Variants in IGF2BP3 observed in about 807,000 individuals in gnomAD.
IGF2BP3 encodes the protein insulin-like growth factor 2 mRNA-binding protein 3.
IGF2BP3 carries 9 observed loss-of-function variants against 73.8 expected under a neutral mutation model. The observed-to-expected ratio is 0.12, with a 90% CI of 0.07 to 0.21. The LOEUF (loss-of-function observed/expected upper bound fraction) is 0.21. Among genes scored for constraint, IGF2BP3 ranks in the 10% least tolerant of loss-of-function variants. The probability of loss-of-function intolerance (pLI) is 1.00; values close to 1 mark genes in which losing one functional copy is unlikely to be tolerated. For missense variants in IGF2BP3, 542 were observed against 714.0 expected (o/e 0.76, Z 2.75); for synonymous variants, 258 against 256.7 (o/e 1.01, Z -0.05).
intron 7 of IGF2BP3, 67 bp downstream of exon 7, chr7:23,347,533 T>A: frequency 6.5e-7 from 1 of 1,538,600 alleles, no homozygotes; most frequent in Non-Finnish European, 8.9e-7. Flanking sequence ...AAGAATTGTG[T>A]CAGAGATGTC....
At chr7:23,434,068 ACT>A (rs1175692204) in intron 2 of IGF2BP3, among the ~76,000 whole-genome samples, 1 of 148,850 alleles carries the variant, frequency 6.7e-6, no homozygotes, top group Non-Finnish European at 1.5e-5. Context: ...ACAGAGTGAG[ACT>A]CTGTCTGGAA....
intron 3 of IGF2BP3, among the ~76,000 whole-genome samples, chr7:23,373,039 A>C (rs902535880): frequency 5.9e-5 from 9 of 152,162 alleles, no homozygotes; most frequent in African/African-American, 1.9e-4. Context: ...AATTTAAATA[A>C]AATATAAATA....
chr7:23,369,636 A>G (rs1785486438), intron 3 of IGF2BP3, among the ~76,000 whole-genome samples: 1 of 152,024 alleles, frequency 6.6e-6, no homozygotes, highest in Non-Finnish European at 1.5e-5. Flanking sequence ...TACACTCACT[A>G]AACTATCACC....
chr7:23,428,716 CTTTTT>C (rs1284212975), intron 2 of IGF2BP3, among the ~76,000 whole-genome samples: 2 of 129,736 alleles, frequency 1.5e-5, no homozygotes, highest in African/African-American at 6.0e-5. Context: ...TTCTTTTTTT[CTTTTT>C]TTTAGGGGGA....
intron 2 of IGF2BP3, among the ~76,000 whole-genome samples, chr7:23,442,020 G>A (rs550860930): frequency 2.6e-5 from 4 of 152,216 alleles, no homozygotes; most frequent in Admixed American, 6.5e-5. Flanking sequence ...CCACCTACTC[G>A]GGAGGCTGAG....
intron 2 of IGF2BP3, among the ~76,000 whole-genome samples, chr7:23,431,891 G>A (rs1787690425): frequency 6.6e-6 from 1 of 152,140 alleles, no homozygotes; most frequent in South Asian, 2.1e-4. Flanking sequence ...AGTTAACAGG[G>A]CGAGTCTCAA....
chr7:23,447,121 A>G (rs1393891557), intron 2 of IGF2BP3, among the ~76,000 whole-genome samples: 1 of 150,872 alleles, frequency 6.6e-6, no homozygotes, highest in African/African-American at 2.4e-5. Context: ...GAATCACTTG[A>G]ACCCGGGAGG....
chr7:23,383,760 C>T (rs539478457), intron 3 of IGF2BP3, among the ~76,000 whole-genome samples: 5 of 152,108 alleles, frequency 3.3e-5, no homozygotes, highest in South Asian at 2.1e-4. Context: ...GGATAAACAA[C>T]GTGGTATATT....
At chr7:23,466,509 T>C (rs1788570519) in intron 2 of IGF2BP3, among the ~76,000 whole-genome samples, 2 of 152,184 alleles carry the variant, frequency 1.3e-5, no homozygotes, top group Non-Finnish European at 2.9e-5. Context: ...ACTTGAAAAA[T>C]GAACTTGAAA....
At chr7:23,320,476 T>C (rs949652523) in intron 10 of IGF2BP3, among the ~76,000 whole-genome samples, 3 of 152,098 alleles carry the variant, frequency 2.0e-5, no homozygotes, top group Non-Finnish European at 2.9e-5. Flanking sequence ...CTAACAGTTC[T>C]AAAGTACAGA....
At chr7:23,434,558 C>T (rs1258472807) in intron 2 of IGF2BP3, among the ~76,000 whole-genome samples, 1 of 152,162 alleles carries the variant, frequency 6.6e-6, no homozygotes, top group Non-Finnish European at 1.5e-5. Flanking sequence ...TCTGAGAACT[C>T]CAATGTATCA....
At position 23,410,338 on chromosome 7, in the gene IGF2BP3, T is replaced by C. The variant is rs367884649; in HGVS notation, c.285+8438A>G. Among the ~76,000 whole-genome samples the C allele has an allele frequency of 1.3e-4, 20 of 152,090 alleles. No homozygotes were observed. In the East Asian group the frequency reaches 3.3e-3, roughly 25 times the overall value. On this transcript the variant is annotated intron_variant, in intron 3 of 14. Coordinates refer to ENST00000258729, the MANE Select transcript of IGF2BP3 (RefSeq NM_006547.3). ...TGCCACTGCACTCCAGCCTGGGCGA[T>C]AGGAGTCAAGATTCTGTCTCAATCA...
chr7:23,360,955 C>T (rs143511573), intron 5 of IGF2BP3, among the ~76,000 whole-genome samples: 1,553 of 152,232 alleles, frequency 0.01, 31 homozygotes, highest in African/African-American at 0.035. Flanking sequence ...AGATCTTTTC[C>T]AGCCTATAGA....
At chr7:23,366,294 C>T (rs1174670370) in intron 3 of IGF2BP3, among the ~76,000 whole-genome samples, 2 of 152,024 alleles carry the variant, frequency 1.3e-5, no homozygotes, top group African/African-American at 4.8e-5. Context: ...CACACCACTA[C>T]ACCCAGCTAA....
intron 7 of IGF2BP3, among the ~76,000 whole-genome samples, chr7:23,347,269 A>G (rs2128503397): frequency 6.6e-6 from 1 of 152,168 alleles, no homozygotes; most frequent in Admixed American, 6.5e-5. Context: ...AGCTCCAATG[A>G]GCTCCGAGTA....
chr7:23,323,565 C>A (rs1296197962), intron 10 of IGF2BP3, among the ~76,000 whole-genome samples: 3 of 149,010 alleles, frequency 2.0e-5, no homozygotes, highest in Non-Finnish European at 3.0e-5. Context: ...CTGCACCAAG[C>A]AGACCTAATA....
chr7:23,382,694 CAAGT>C (rs1361948667), intron 3 of IGF2BP3, among the ~76,000 whole-genome samples: 2 of 151,874 alleles, frequency 1.3e-5, no homozygotes, highest in African/African-American at 2.4e-5. Flanking sequence ...ACACCTCAGA[CAAGT>C]AAGTATAAAG....
At chr7:23,368,300 C>G (rs111694227) in intron 3 of IGF2BP3, among the ~76,000 whole-genome samples, 1 of 105,876 alleles carries the variant, frequency 9.4e-6, no homozygotes, top group Admixed American at 1.1e-4. Flanking sequence ...ATAGCGAAGA[C>G]AGAAAGAGAG....
At chr7:23,324,502 A>G (rs1469130936) in intron 10 of IGF2BP3, among the ~76,000 whole-genome samples, 2 of 118,360 alleles carry the variant, frequency 1.7e-5, no homozygotes, top group African/African-American at 6.7e-5. Context: ...ACAAGGAGGA[A>G]CTGGTACCAT....
Sources: allele counts gnomAD v4.1 joint callset (sites outside exome capture counted in the v4.1 genomes callset), GRCh38; gene constraint gnomAD v4.1.1; transcripts MANE v1.5; gene names NCBI Gene and HGNC (gene_info 2026-07-23, HGNC 2026-07-21).